The following PDGFRA variants were observed in gnomAD, a reference collection of about 807,000 sequenced individuals.
The protein encoded by PDGFRA is platelet-derived growth factor receptor alpha.
PDGFRA carries 25 observed loss-of-function variants against 121.5 expected under a neutral mutation model. The ratio of observed to expected loss-of-function variants is 0.21; its 90% CI spans 0.15 to 0.29. The LOEUF (loss-of-function observed/expected upper bound fraction) is 0.29. Among genes scored for constraint, PDGFRA ranks in the 10% least tolerant of loss-of-function variants. PDGFRA has a pLI of 1.00. For synonymous variants in PDGFRA, 463 were observed against 494.8 expected (o/e 0.94, Z 0.85); for missense variants, 1,008 against 1,345.1 (o/e 0.75, Z 3.92).
chr4:54,295,278 G>A lies in PDGFRA; in HGVS notation c.*6G>A, dbSNP rs148697831. 1,025 of 1,613,970 alleles carry A rather than the reference G, an allele frequency of 6.4e-4. 5 individuals are homozygous for A. In the African/African-American group the frequency reaches 8.6e-3, roughly 14 times the overall value. Reference sequence around the variant, plus strand: ...TGGAAGACAGCTTCCTGTAACTGGCGGATTCGAGGGGTTCCTTCCACTTCT... The same window carrying A: ...TGGAAGACAGCTTCCTGTAACTGGCAGATTCGAGGGGTTCCTTCCACTTCT... On this transcript the variant is annotated 3_prime_UTR_variant, in exon 23 of 23. Coordinates refer to ENST00000257290, the MANE Select transcript of PDGFRA (RefSeq NM_006206.6).
At chr4:54,279,102 C>T (rs1477286112) in intron 15 of PDGFRA, 1 of 292,846 alleles carries the variant, frequency 3.4e-6, no homozygotes. Context: ...CCACACGGCT[C>T]AAGTTCCAAC....
chr4:54,265,566 G>C (rs1031455625), intron 5 of PDGFRA, among the ~76,000 whole-genome samples: 1 of 152,228 alleles, frequency 6.6e-6, no homozygotes, highest in South Asian at 2.1e-4. Flanking sequence ...TCAGTGAACC[G>C]TTATGATGTA....
In PDGFRA at chr4:54,274,891, T is replaced by G. The variant is rs1723635233; in HGVS notation, c.1704T>G (p.Asp568Glu). The change falls in exon 12 of 23, where the codon GAT becomes GAG. Residue 568 changes from aspartate (D) to glutamate (E), a missense_variant. Asp to Glu is a conservative substitution (Grantham distance 45, BLOSUM62 2). Transcript: ENST00000257290. ...GGGTCATTGAATCAATCAGCCCAGA[T>G]GGACATGAATATATTTATGTGGACC... ...RWRVIESISP[D>E]GHEYIYVDPM... 1 of 1,614,100 alleles carries G rather than the reference T, an allele frequency of 6.2e-7. No individual in the cohort carries two copies. Among genetic ancestry groups the G allele is most frequent in the Non-Finnish European group, 8.5e-7 (1 of 1,179,938 alleles).
At chr4:54,273,493 A>T (rs374436447) in intron 9 of PDGFRA, 44 bp from the exon 10 acceptor site, 28 of 1,508,376 alleles carry the variant, frequency 1.9e-5, no homozygotes, top group Non-Finnish European at 2.6e-5. Context: ...CATTGCCATG[A>T]CTCTCAGGAA....
intron 10 of PDGFRA, among the ~76,000 whole-genome samples, 199 bp downstream of exon 10, chr4:54,273,929 T>C (rs1723559929): frequency 6.6e-6 from 1 of 152,266 alleles, no homozygotes; most frequent in Non-Finnish European, 1.5e-5. Context: ...TGGCCCAGGC[T>C]GGAGTGCAAT....
chr4:54,275,051 T>G (rs534863944), intron 12 of PDGFRA, 78 bp downstream of exon 12: 3 of 1,485,192 alleles, frequency 2.0e-6, no homozygotes, highest in Non-Finnish European at 2.8e-6. Flanking sequence ...CTTGGCAGAA[T>G]AGAGATCTGA....
intron 16 of PDGFRA, among the ~76,000 whole-genome samples, chr4:54,282,510 G>A (rs7671994): frequency 1 from 151,750 of 152,330 alleles, 75,588 homozygotes; most frequent in Middle Eastern, 1. Flanking sequence ...TAAATTGTTC[G>A]TAAGAAATCT....
intron 7 of PDGFRA, among the ~76,000 whole-genome samples, chr4:54,269,535 A>AC: frequency 6.6e-6 from 1 of 151,056 alleles, no homozygotes; most frequent in Non-Finnish European, 1.5e-5. Flanking sequence ...ACACACACAC[A>AC]ACCAGATGTC....
At chr4:54,266,992 A>G (rs964040565) in intron 5 of PDGFRA, among the ~76,000 whole-genome samples, 1 of 152,220 alleles carries the variant, frequency 6.6e-6, no homozygotes, top group Admixed American at 6.5e-5. Context: ...TAAAAAAATT[A>G]AAAACAAAAT....
rs1724966778 is a variant in PDGFRA, at chr4:54,298,110, G to A, written c.*2838G>A. 1 of 220,022 alleles carries A rather than the reference G, an allele frequency of 4.5e-6. No individual in the cohort carries two copies. Among genetic ancestry groups the A allele is most frequent in the Admixed American group, 5.8e-5 (1 of 17,296 alleles). The allele number at this position is 220,022 out of a possible 1,614,324, so 13.6% of individuals were successfully genotyped here. ...CATGTTCCCAAAACAATGGTGTGGT[G>A]AATGTGTGAGAAAAACTAACTTGAT... On this transcript the variant is annotated 3_prime_UTR_variant, in exon 23 of 23. Coordinates refer to ENST00000257290, the MANE Select transcript of PDGFRA (RefSeq NM_006206.6).
chr4:54,292,521 GT>G (rs1724681594), intron 22 of PDGFRA, among the ~76,000 whole-genome samples: 1 of 152,216 alleles, frequency 6.6e-6, no homozygotes, highest in Admixed American at 6.5e-5. Context: ...CCTTTCAGGG[GT>G]TGGGGATTGG....
At chr4:54,275,861 A>G (rs1723691353) in intron 12 of PDGFRA, among the ~76,000 whole-genome samples, 1 of 152,252 alleles carries the variant, frequency 6.6e-6, no homozygotes, top group Non-Finnish European at 1.5e-5. Context: ...TCCTGGGCAT[A>G]GGCCGAACTA....
At chr4:54,281,787 C>A in intron 16 of PDGFRA, 1 of 1,314,396 alleles carries the variant, frequency 7.6e-7, no homozygotes, top group Admixed American at 2.5e-5. Flanking sequence ...CTCGAAAACC[C>A]TGGGACCCTT....
At chr4:54,282,661 C>T (rs565210825) in intron 16 of PDGFRA, among the ~76,000 whole-genome samples, 6 of 152,158 alleles carry the variant, frequency 3.9e-5, no homozygotes, top group Non-Finnish European at 8.8e-5. Context: ...GTCCTTCTCA[C>T]ATTTCAAAAT....
chr4:54,277,226 C>T (rs1723782046), intron 12 of PDGFRA, 162 bp from the exon 13 acceptor site: 1 of 692,062 alleles, frequency 1.4e-6, no homozygotes, highest in African/African-American at 1.8e-5. Flanking sequence ...TCCCTGTGGG[C>T]TCAATTCCTT....
chr4:54,258,184 G>T (rs986028019), intron 1 of PDGFRA, among the ~76,000 whole-genome samples: 1 of 151,948 alleles, frequency 6.6e-6, no homozygotes, highest in African/African-American at 2.4e-5. Flanking sequence ...GTTTAGCCTG[G>T]CTTGGGATCC....
chr4:54,281,646 T>C (rs538660750), intron 16 of PDGFRA: 2 of 1,360,518 alleles, frequency 1.5e-6, no homozygotes, highest in South Asian at 2.5e-5. Flanking sequence ...CCAAGCCCTG[T>C]TGGCAGGCAG....
intron 1 of PDGFRA, among the ~76,000 whole-genome samples, chr4:54,242,388 A>G (rs1305790344): frequency 6.6e-6 from 1 of 152,150 alleles, no homozygotes; most frequent in Non-Finnish European, 1.5e-5. Context: ...TGGTTTCACT[A>G]GGGAAAATAC....
At chr4:54,274,459 C>T (rs996613570) in intron 10 of PDGFRA, 72 bp from the exon 11 acceptor site, 1 of 1,078,012 alleles carries the variant, frequency 9.3e-7, no homozygotes. Context: ...CAGACACAGC[C>T]ACACTACCTT....
Sources: gnomAD v4.1 joint callset for allele counts (sites outside exome capture counted in the v4.1 genomes callset) on GRCh38, gnomAD v4.1.1 for gene constraint, MANE v1.5 for transcripts, NCBI Gene and HGNC (gene_info 2026-07-23, HGNC 2026-07-21) for gene names.